The following KIAA1549L variants were observed in gnomAD, a reference collection of about 807,000 sequenced individuals.
KIAA1549L encodes the protein KIAA1549 like, also known as UPF0606 protein KIAA1549L.
Under a neutral mutation model 160.7 loss-of-function variants are expected in KIAA1549L, and 88 were observed. The ratio of observed to expected loss-of-function variants is 0.55; its 90% CI spans 0.46 to 0.65. The LOEUF (loss-of-function observed/expected upper bound fraction) is 0.65, where lower values mean the gene tolerates loss of function less well. KIAA1549L is among the 30% of genes least tolerant of loss of function. The pLI, the probability that KIAA1549L is intolerant of heterozygous loss-of-function variation, is 0.00. For synonymous variants in KIAA1549L, 950 were observed against 976.7 expected, an observed-to-expected ratio of 0.97 and a Z score of 0.51; for missense variants, 2,258 against 2,437.5, an observed-to-expected ratio of 0.93 and a Z score of 1.55.
chr11:33,576,727 G>A (rs61371798), intron 10 of KIAA1549L, among the ~76,000 whole-genome samples: 3,120 of 152,306 alleles, frequency 0.02, 105 homozygotes, highest in African/African-American at 0.071. Flanking sequence ...GGGGCTCAGA[G>A]GAATCAAGGA....
At chr11:33,416,576 A>T (rs981169307) in intron 1 of KIAA1549L, among the ~76,000 whole-genome samples, 1 of 152,312 alleles carries the variant, frequency 6.6e-6, no homozygotes, top group Admixed American at 6.5e-5. Context: ...TGTAGATATG[A>T]TTTAAACCAT....
intron 1 of KIAA1549L, among the ~76,000 whole-genome samples, chr11:33,492,573 CT>C (rs1029664803): frequency 1.3e-5 from 2 of 152,116 alleles, no homozygotes; most frequent in Non-Finnish European, 2.9e-5. Context: ...CGTGGTTCTA[CT>C]TTTTGTTATT....
intron 1 of KIAA1549L, among the ~76,000 whole-genome samples, chr11:33,407,595 C>T (rs777355630): frequency 1.8e-4 from 27 of 152,066 alleles, no homozygotes; most frequent in Admixed American, 1.6e-3. Flanking sequence ...GTGATCTGCC[C>T]GCTTTGGCCT....
At chr11:33,589,517 G>A (rs968259412) in intron 11 of KIAA1549L, among the ~76,000 whole-genome samples, 2 of 152,298 alleles carry the variant, frequency 1.3e-5, no homozygotes, top group Admixed American at 1.3e-4. Context: ...CAACCCAAAT[G>A]TCCAACAATG....
intron 6 of KIAA1549L, among the ~76,000 whole-genome samples, chr11:33,558,470 C>T (rs1046269651): frequency 2.0e-5 from 3 of 152,096 alleles, no homozygotes; most frequent in African/African-American, 7.2e-5. Flanking sequence ...GTGGAGCCCA[C>T]TGGGGTTGTC....
At position 33,544,671 on chromosome 11, in the gene KIAA1549L, C is replaced by T. The variant is rs543401056; in HGVS notation, c.2774-96C>T. ...GCAAGCCCAGATTGCAGAGACTTCA[C>T]CCTAGCAAATCCATAAGTTACATCC... On this transcript the variant is annotated intron_variant, in intron 2 of 20. Coordinates refer to ENST00000658780, the MANE Select transcript of KIAA1549L (RefSeq NM_012194.3). The T allele has an allele frequency of 1.8e-4, 263 of 1,463,766 alleles. No individual in the cohort carries two copies. In the African/African-American group the frequency reaches 3.4e-3, roughly 19 times the overall value. The allele number at this position is 1,463,766 out of a possible 1,614,324, so 90.7% of individuals were successfully genotyped here.
intron 1 of KIAA1549L, among the ~76,000 whole-genome samples, chr11:33,435,797 T>TATATATATATA (rs1851353531): frequency 1.2e-4 from 1 of 8,088 alleles, no homozygotes; most frequent in African/African-American, 8.4e-4. Context: ...TATATATATA[T>TATATATATATA]ATATATATAT....
At chr11:33,522,207 T>G (rs978692872) in intron 1 of KIAA1549L, among the ~76,000 whole-genome samples, 1 of 152,198 alleles carries the variant, frequency 6.6e-6, no homozygotes, top group Non-Finnish European at 1.5e-5. Context: ...TTTTACAGTC[T>G]TAGAGGCAAT....
chr11:33,562,715 G>A (rs1244839664), intron 8 of KIAA1549L, among the ~76,000 whole-genome samples: 12 of 137,096 alleles, frequency 8.8e-5, no homozygotes, highest in East Asian at 6.3e-4. Context: ...TTTCGTTCTC[G>A]TGGCTCAGGC....
intron 1 of KIAA1549L, among the ~76,000 whole-genome samples, chr11:33,445,037 A>G (rs1271776253): frequency 6.6e-6 from 1 of 152,222 alleles, no homozygotes; most frequent in African/African-American, 2.4e-5. Context: ...AGTGAAGTCC[A>G]GGGATGCAGA....
intron 1 of KIAA1549L, among the ~76,000 whole-genome samples, chr11:33,487,840 G>T (rs1399004309): frequency 6.6e-6 from 1 of 152,136 alleles, no homozygotes; most frequent in Non-Finnish European, 1.5e-5. Flanking sequence ...GATCAGGATT[G>T]GTTGGGGAGT....
chr11:33,550,591 T>C lies in KIAA1549L; in HGVS notation c.3502-449T>C, dbSNP rs114289786. 8.3e-3 allele frequency among the ~76,000 whole-genome samples: 1,260 copies of C among 152,314 alleles called. 24 individuals are homozygous for C. Among genetic ancestry groups the C allele is most frequent in the African/African-American group, 0.028 (1,181 of 41,562 alleles). ...TGCTTCTAGAAAGAGGAATTCACTT[T>C]ACTTACTCCTTGACCGGTGCCCCCA... On this transcript the variant is annotated intron_variant, in intron 4 of 20. Coordinates refer to ENST00000658780, the MANE Select transcript of KIAA1549L (RefSeq NM_012194.3).
intron 1 of KIAA1549L, among the ~76,000 whole-genome samples, chr11:33,449,401 T>C (rs185360481): frequency 7.2e-5 from 11 of 152,282 alleles, no homozygotes; most frequent in Admixed American, 3.3e-4. Context: ...GAGACTTGCC[T>C]GGAGAAGGAG....
At chr11:33,570,418 C>T (rs1855212107) in intron 9 of KIAA1549L, among the ~76,000 whole-genome samples, 1 of 152,004 alleles carries the variant, frequency 6.6e-6, no homozygotes, top group Non-Finnish European at 1.5e-5. Flanking sequence ...GGGTGTAGAT[C>T]ACCTTGTAAC....
At chr11:33,590,328 C>T (rs146549527) in intron 11 of KIAA1549L, among the ~76,000 whole-genome samples, 122 of 152,308 alleles carry the variant, frequency 8.0e-4, no homozygotes, top group African/African-American at 2.7e-3. Flanking sequence ...GGATTTGAAC[C>T]CAAGCAATCT....
At chr11:33,405,692 A>G (rs745859267) in intron 1 of KIAA1549L, among the ~76,000 whole-genome samples, 39 of 151,984 alleles carry the variant, frequency 2.6e-4, no homozygotes, top group Non-Finnish European at 4.7e-4. Context: ...AAATACAAAA[A>G]TTAGCCAGGC....
intron 15 of KIAA1549L, among the ~76,000 whole-genome samples, chr11:33,611,677 G>T (rs1039517541): frequency 6.6e-6 from 1 of 152,126 alleles, no homozygotes; most frequent in Non-Finnish European, 1.5e-5. Flanking sequence ...TACTTCAGTG[G>T]TCTTTGGGAT....
chr11:33,455,539 A>G (rs1172922283), intron 1 of KIAA1549L, among the ~76,000 whole-genome samples: 1 of 152,152 alleles, frequency 6.6e-6, no homozygotes, highest in Non-Finnish European at 1.5e-5. Context: ...TGTTTGGTTT[A>G]TGGTGTTTGA....
At chr11:33,623,988 A>G (rs895393874) in intron 16 of KIAA1549L, among the ~76,000 whole-genome samples, 2 of 151,538 alleles carry the variant, frequency 1.3e-5, no homozygotes, top group African/African-American at 4.9e-5. Context: ...GGGACCTCCT[A>G]CCCTCTTGAC....
Sources: gnomAD v4.1 joint callset for allele counts (sites outside exome capture counted in the v4.1 genomes callset) on GRCh38, gnomAD v4.1.1 for gene constraint, MANE v1.5 for transcripts, NCBI Gene and HGNC (gene_info 2026-07-23, HGNC 2026-07-21) for gene names.